Variants in PHACTR4 observed in about 807,000 individuals in gnomAD.
PHACTR4 encodes the protein phosphatase and actin regulator 4.
In PHACTR4, 51 loss-of-function variants were observed where a neutral mutation model predicts 72.7. That is an observed-to-expected ratio of 0.70 (90% CI 0.56 to 0.89). PHACTR4 has a LOEUF of 0.89. Among genes scored for constraint, PHACTR4 ranks in the 40% least tolerant of loss-of-function variants. The pLI is 0.00. For synonymous variants in PHACTR4, 255 were observed against 302.5 expected (o/e 0.84, Z 1.63); for missense variants, 731 against 861.8 (o/e 0.85, Z 1.90).
intron 2 of PHACTR4, among the ~76,000 whole-genome samples, chr1:28,452,218 C>CA (rs1251314078): frequency 6.6e-6 from 1 of 152,026 alleles, no homozygotes; most frequent in Non-Finnish European, 1.5e-5. Flanking sequence ...AAAAAACTCA[C>CA]AGGCAGACCA....
intron 13 of PHACTR4, among the ~76,000 whole-genome samples, chr1:28,495,683 C>T (rs1036754421): frequency 1.3e-5 from 2 of 151,072 alleles, no homozygotes; most frequent in Admixed American, 6.6e-5. Flanking sequence ...GTGGCATGAT[C>T]GTGGCTCACT....
At chr1:28,384,938 A>G (rs1318775134) in intron 1 of PHACTR4, among the ~76,000 whole-genome samples, 1 of 151,898 alleles carries the variant, frequency 6.6e-6, no homozygotes, top group Non-Finnish European at 1.5e-5. Flanking sequence ...AAAAACCCAA[A>G]TCCCTCCTGG....
At position 28,415,836 on chromosome 1, in the gene PHACTR4, G is replaced by A. The variant is rs147984255; in HGVS notation, c.16+8373G>A. On this transcript the variant is annotated intron_variant, in intron 2 of 13. Transcript: ENST00000373839. ...TTTTGATTAGAATTTGTATCATATA[G>A]GAAATAGGAGAAGTAGTTTGTTAAG... Among the ~76,000 whole-genome samples, 20 of 152,192 alleles carry A rather than the reference G, an allele frequency of 1.3e-4. No homozygotes were observed. In the East Asian group the frequency reaches 3.7e-3, roughly 28 times the overall value.
At chr1:28,457,236 GTTGT>G in intron 2 of PHACTR4, 1 of 408,028 alleles carries the variant, frequency 2.5e-6, no homozygotes, top group South Asian at 1.8e-5. Flanking sequence ...GAATTTGGCA[GTTGT>G]TTCTTTTAAA....
chr1:28,374,709 T>C (rs12062798), intron 1 of PHACTR4, among the ~76,000 whole-genome samples: 75 of 152,220 alleles, frequency 4.9e-4, no homozygotes, highest in African/African-American at 1.7e-3. Context: ...GTTGTAGACA[T>C]TGAGGACAAA....
chr1:28,473,074 A>G (rs1206068629), intron 6 of PHACTR4, among the ~76,000 whole-genome samples: 1 of 148,956 alleles, frequency 6.7e-6, no homozygotes, highest in Non-Finnish European at 1.5e-5. Flanking sequence ...CAGGAGTTCG[A>G]GACCAGCCTG....
rs1425570635 is a variant in PHACTR4 at position 28,459,222 on chromosome 1, A to C, written c.154A>C (p.Lys52Gln). Residue 52 changes from lysine (K) to glutamine (Q), a missense_variant, in exon 3 of 14, where the codon AAA becomes CAA. Transcript: ENST00000373839. ...KIFKPWKWRK[K>Q]KSSDKFKETS... ...CTTCAAGCCCTGGAAATGGAGGAAA[A>C]AAAAAAGTAGTGATAAATTTAAAGA... 6.2e-7 allele frequency: 1 copy of C among 1,613,942 alleles called. No individual in the cohort carries two copies. The highest frequency in any genetic ancestry group is 1.7e-5 in the Admixed American group (1 of 59,948).
At chr1:28,397,348 A>T (rs972247729) in intron 1 of PHACTR4, among the ~76,000 whole-genome samples, 1 of 152,224 alleles carries the variant, frequency 6.6e-6, no homozygotes, top group African/African-American at 2.4e-5. Context: ...TATCTTTTGT[A>T]ACCAAAATCA....
Position 28,460,217 on chromosome 1 carries a change from G to A in PHACTR4, c.196G>A (p.Glu66Lys). Residue 66 changes from glutamate to lysine, a missense_variant, in exon 4 of 14, where the codon GAA (glutamate) becomes AAA (lysine). Physicochemically the swap from Glu to Lys is moderately conservative, Grantham distance 56. Coordinates refer to ENST00000373839, the MANE Select transcript of PHACTR4 (RefSeq NM_001048183.3). ...ATTTTCCAATTTAATGTTAGTTTTA[G>A]AACGGAAAATATCTATGCGAAAGCC... ...DKFKETSEVL[E>K]RKISMRKPRE... 1.2e-6 allele frequency: 2 copies of A among 1,612,530 alleles called. No individual in the cohort carries two copies. The highest frequency in any genetic ancestry group is 1.1e-5 in the South Asian group (1 of 90,914).
chr1:28,484,446 TTATATTTAA>T lies in PHACTR4; in HGVS notation c.1760+3857_1760+3865del, dbSNP rs1489238576. 5.9e-5 allele frequency among the ~76,000 whole-genome samples: 9 copies of T among 152,008 alleles called. No homozygotes were observed. The East Asian group carries it at 7.7e-4, about 13-fold the overall frequency. On this transcript the variant is annotated intron_variant, in intron 9 of 13. Coordinates refer to ENST00000373839, the MANE Select transcript of PHACTR4 (RefSeq NM_001048183.3). ...TATACTAGACAGGGCATAAATATAG[TTATATTTAA>T]TATATTTAATATATGTGTGTATGTG... is the stretch of plus-strand genomic sequence containing the variant.
At chr1:28,391,526 A>G (rs2124194613) in intron 1 of PHACTR4, among the ~76,000 whole-genome samples, 1 of 150,980 alleles carries the variant, frequency 6.6e-6, no homozygotes, top group South Asian at 2.1e-4. Flanking sequence ...AAGGATATAA[A>G]ATTTCTGTTA....
rs1661445582 is a variant in PHACTR4, at chr1:28,497,768, G to A, written c.*1219G>A. On this transcript the variant is annotated 3_prime_UTR_variant, in exon 14 of 14. Transcript: ENST00000373839. ...AACACTTTGGGAGGCTGAGGCGGGT[G>A]GATCACCTGAGTTCAGGAGTTCAAG... 1 of 151,644 alleles carries A rather than the reference G, an allele frequency of 6.6e-6. No homozygotes were observed. The highest frequency in any genetic ancestry group is 6.6e-5 in the Admixed American group (1 of 15,204). The allele number at this position is 151,644 out of a possible 1,614,324, so 9.4% of individuals were successfully genotyped here. A position where few individuals can be genotyped will look rare whatever the true frequency, so the allele number is the denominator to read the frequency against.
intron 2 of PHACTR4, among the ~76,000 whole-genome samples, chr1:28,451,271 T>C (rs1384122580): frequency 2.0e-5 from 3 of 152,074 alleles, no homozygotes; most frequent in Admixed American, 2.0e-4. Flanking sequence ...TGTTCTGTAA[T>C]GTATTCATCT....
chr1:28,440,638 T>TG (rs1656959010), intron 2 of PHACTR4, among the ~76,000 whole-genome samples: 1 of 152,066 alleles, frequency 6.6e-6, no homozygotes, highest in Non-Finnish European at 1.5e-5. Flanking sequence ...GATTTAATTT[T>TG]GGGGTTTTAT....
At chr1:28,375,939 C>T (rs1462751791) in intron 1 of PHACTR4, among the ~76,000 whole-genome samples, 1 of 152,010 alleles carries the variant, frequency 6.6e-6, no homozygotes, top group Non-Finnish European at 1.5e-5. Flanking sequence ...CGTGGTGGTA[C>T]ACGCCTGTAA....
chr1:28,374,812 A>G (rs755688139), intron 1 of PHACTR4, among the ~76,000 whole-genome samples: 2 of 152,224 alleles, frequency 1.3e-5, no homozygotes, highest in African/African-American at 4.8e-5. Flanking sequence ...TAAGCACTAA[A>G]TAAATAAAAT....
At chr1:28,410,974 C>T (rs916293502) in intron 2 of PHACTR4, among the ~76,000 whole-genome samples, 3 of 151,082 alleles carry the variant, frequency 2.0e-5, no homozygotes, top group African/African-American at 7.3e-5. Context: ...CCCAAAGTGG[C>T]GGGAATTGCA....
At chr1:28,453,588 TG>T in intron 2 of PHACTR4, 1 of 948,044 alleles carries the variant, frequency 1.1e-6, no homozygotes. Context: ...GGCAGCACAG[TG>T]GATGCATTTC....
intron 1 of PHACTR4, among the ~76,000 whole-genome samples, chr1:28,384,034 C>G (rs1652382985): frequency 6.6e-6 from 1 of 152,082 alleles, no homozygotes; most frequent in African/African-American, 2.4e-5. Context: ...GGTGGGTAAG[C>G]TTTTTGATGT....
Sources: gnomAD v4.1 joint callset for allele counts (sites outside exome capture counted in the v4.1 genomes callset) on GRCh38, gnomAD v4.1.1 for gene constraint, MANE v1.5 for transcripts, NCBI Gene and HGNC (gene_info 2026-07-23, HGNC 2026-07-21) for gene names.